ARID1A: variants seen among roughly 807,000 people sequenced by gnomAD.
ARID1A encodes AT-rich interaction domain 1A.
In ARID1A, 20 loss-of-function variants were observed where a neutral mutation model predicts 212.6. The observed-to-expected ratio is 0.09, with a 90% CI of 0.07 to 0.14. ARID1A has a LOEUF of 0.14. Ranked by LOEUF, ARID1A falls within the 10% of genes least tolerant of loss-of-function variation. ARID1A has a pLI of 1.00. For missense variants in ARID1A, 2,587 were observed against 3,059.0 expected (o/e 0.85, Z 3.64); for synonymous variants, 1,376 against 1,222.1 (o/e 1.13, Z -2.63).
rs759700307 is a variant in ARID1A at position 26,779,040 on chromosome 1, G to A, written c.5142G>A (p.Glu1714=). ...FNLSQLPGLL[E]LLVEYFRRCL... ...CTTTTTAGCTCCCAGGGTTGCTAGA[G>A]CTCCTTGTAGAATATTTCCGACGAT... Residue 1714 remains glutamate (E), a synonymous_variant, in exon 20 of 20, where the codon GAG becomes GAA. Transcript: ENST00000324856. 6 of 1,505,500 alleles carry A rather than the reference G, an allele frequency of 4.0e-6. No homozygotes were observed. In the East Asian group the frequency reaches 1.4e-4, roughly 34 times the overall value. The allele number at this position is 1,505,500 out of a possible 1,614,324, so 93.3% of individuals were successfully genotyped here. A position where few individuals can be genotyped will look rare whatever the true frequency, so the allele number is the denominator to read the frequency against.
At chr1:26,765,530 G>C (rs1425633530) in intron 8 of ARID1A, 1 of 151,278 alleles carries the variant, frequency 6.6e-6, no homozygotes, top group Admixed American at 6.6e-5. Flanking sequence ...TCTAGAGCTT[G>C]AACTCTCTTA....
intron 1 of ARID1A, among the ~76,000 whole-genome samples, chr1:26,706,004 C>T (rs1426974206): frequency 6.6e-6 from 1 of 152,114 alleles, no homozygotes; most frequent in African/African-American, 2.4e-5. Flanking sequence ...TTAGAAATCA[C>T]CCAGTAATCC....
chr1:26,725,861 T>A (rs2080611493), intron 1 of ARID1A, among the ~76,000 whole-genome samples: 1 of 150,568 alleles, frequency 6.6e-6, no homozygotes, highest in African/African-American at 2.4e-5. Flanking sequence ...CCTTTTTTTT[T>A]TTTTTTTTTT....
At chr1:26,727,613 G>A (rs538078355) in intron 1 of ARID1A, 1 of 152,332 alleles carries the variant, frequency 6.6e-6, no homozygotes, top group East Asian at 1.9e-4. Flanking sequence ...TCTCTAGGGA[G>A]AGGCCTAGCC....
chr1:26,709,481 A>G (rs1281785265), intron 1 of ARID1A, among the ~76,000 whole-genome samples: 1 of 152,140 alleles, frequency 6.6e-6, no homozygotes, highest in East Asian at 1.9e-4. Context: ...AGTTCTCAAC[A>G]GCACCCCCGA....
rs750872456 is a variant in ARID1A at position 26,761,080 on chromosome 1, G to C, written c.2145G>C (p.Ser715=). The change falls in exon 5 of 20, where the codon TCG becomes TCC. Residue 715 remains serine, a synonymous_variant. Coordinates refer to ENST00000324856, the MANE Select transcript of ARID1A (RefSeq NM_006015.6). ...CTCAGTCTCGCTCAGGACCACTCTC[G>C]CCTGCTGCAGTGCCAGGTACCCTCA... ...SVAQSRSGPL[S]PAAVPGNQMP... is the part of the protein sequence containing the mutation. 6.2e-7 allele frequency: 1 copy of C among 1,614,038 alleles called. No homozygotes were observed. The highest frequency in any genetic ancestry group is 8.5e-7 in the Non-Finnish European group (1 of 1,179,994).
At position 26,761,399 on chromosome 1, in the gene ARID1A, C is replaced by T. The variant is rs781279592; in HGVS notation, c.2177C>T (p.Pro726Leu). Reference sequence around the variant, plus strand: ...TCTGGAGCAGGCAACCAGATGCCACCTCGGCCACCCAGTGGCCAGTCGGAC... The same window carrying T: ...TCTGGAGCAGGCAACCAGATGCCACTTCGGCCACCCAGTGGCCAGTCGGAC... ...PAAVPGNQMP[P>L]RPPSGQSDSI... is the part of the protein sequence containing the mutation. The change falls in exon 6 of 20, where the codon CCT becomes CTT. Residue 726 changes from proline to leucine, a missense_variant. By Grantham distance (98) the Pro-to-Leu change is moderately conservative. Transcript: ENST00000324856. 1.2e-6 allele frequency: 2 copies of T among 1,614,082 alleles called. No homozygotes were observed. Among genetic ancestry groups the T allele is most frequent in the African/African-American group, 2.7e-5 (2 of 74,934 alleles).
intron 7 of ARID1A, 34 bp downstream of exon 7, chr1:26,762,353 G>A (rs2124065124): frequency 1.9e-6 from 3 of 1,594,632 alleles, no homozygotes; most frequent in Admixed American, 1.8e-5. Context: ...GTAGATACGG[G>A]TGAGAGGAGA....
rs2124790308 is a variant in ARID1A at position 26,731,561 on chromosome 1, C to G, written c.1760C>G (p.Ser587Cys). The change falls in exon 3 of 20, where the codon TCC (serine) becomes TGC (cysteine). Residue 587 changes from serine (S) to cysteine (C), a missense_variant. Around this residue, in one of 11 missense-constraint regions of ARID1A, gnomAD observed 674 missense variants for 813.4 expected, o/e 0.83. Coordinates refer to ENST00000324856, the MANE Select transcript of ARID1A (RefSeq NM_006015.6). ...AAYPQPQSQQ[S>C]QQTAYSQQRF... ...TATCCTCAGCCCCAGTCTCAGCAGT[C>G]CCAGCAAACTGCCTATTCCCAGCAG... is the stretch of plus-strand genomic sequence containing the variant. The G allele has an allele frequency of 6.2e-7, 1 of 1,614,174 alleles. No individual in the cohort carries two copies. Among genetic ancestry groups the G allele is most frequent in the East Asian group, 2.2e-5 (1 of 44,886 alleles).
chr1:26,770,276 G>C (rs2081072319), intron 11 of ARID1A: 2 of 152,136 alleles, frequency 1.3e-5, no homozygotes, highest in Admixed American at 6.5e-5. Context: ...AAAGGGACCT[G>C]TGGTTATTTG....
chr1:26,772,616 C>A lies in ARID1A; in HGVS notation c.3523C>A (p.Pro1175Thr). The change falls in exon 13 of 20, where the codon CCA (proline) becomes ACA (threonine). Residue 1175 changes from proline (P) to threonine (T), a missense_variant. Pro to Thr is a conservative substitution (Grantham distance 38). Coordinates refer to ENST00000324856, the MANE Select transcript of ARID1A (RefSeq NM_006015.6). ...PASTPHSQIP[P>T]LPGMSRSNSV... ...ATCCACACCACACAGTCAGATCCCC[C>A]CATTGCCAGGCATGAGGTAAGGCCA... 1 of 1,614,208 alleles carries A rather than the reference C, an allele frequency of 6.2e-7. No homozygotes were observed. The highest frequency in any genetic ancestry group is 8.5e-7 in the Non-Finnish European group (1 of 1,180,042).
chr1:26,727,315 G>A (rs995412553), intron 1 of ARID1A, among the ~76,000 whole-genome samples: 3 of 152,226 alleles, frequency 2.0e-5, no homozygotes, highest in Non-Finnish European at 4.4e-5. Context: ...TGACCAGGGA[G>A]TGGTGGAAGT....
chr1:26,773,772 C>T (rs565180006), intron 16 of ARID1A, 30 bp from the exon 17 acceptor site: 1 of 1,614,178 alleles, frequency 6.2e-7, no homozygotes, highest in African/African-American at 1.3e-5. Context: ...CACTGCCCAC[C>T]CTAATCCTGT....
intron 1 of ARID1A, among the ~76,000 whole-genome samples, chr1:26,720,216 C>T (rs1357439920): frequency 6.6e-6 from 1 of 151,088 alleles, no homozygotes; most frequent in Non-Finnish European, 1.5e-5. Context: ...ACGCACTGCA[C>T]TCCAGCCTGG....
rs761975620 is a variant in ARID1A at position 26,731,450 on chromosome 1, C to T, written c.1649C>T (p.Pro550Leu). 3 of 1,614,010 alleles carry T rather than the reference C, an allele frequency of 1.9e-6. No homozygotes were observed. The highest frequency in any genetic ancestry group is 1.7e-6 in the Non-Finnish European group (2 of 1,179,994). ...TTQQHPQSQP[P>L]YSQPQAQSPY... ...CAGCAGCACCCCCAGAGCCAGCCCC[C>T]CTACTCACAGCCACAGGCTCAGTCT... Residue 550 changes from proline to leucine, a missense_variant, in exon 3 of 20, where the codon CCC becomes CTC. Pro to Leu is a moderately conservative substitution (Grantham distance 98, BLOSUM62 -3). Transcript: ENST00000324856.
intron 1 of ARID1A, among the ~76,000 whole-genome samples, 173 bp downstream of exon 1, chr1:26,697,713 C>G (rs968933329): frequency 6.6e-6 from 1 of 152,056 alleles, no homozygotes; most frequent in Admixed American, 6.5e-5. Context: ...GCCTTCCTCT[C>G]CTTCCCTCCT....
rs758044018 is a variant in ARID1A, at chr1:26,779,531, C to G, written c.5633C>G (p.Pro1878Arg). The change falls in exon 20 of 20, where the codon CCT becomes CGT. Residue 1878 changes from proline to arginine, a missense_variant. This residue lies in a region of ARID1A where 890 missense variants were observed against 1,098.2 expected (regional missense o/e 0.81). Transcript: ENST00000324856. ...CCTCACGCACCCTGCCCACCAGCCC[C>G]TCGGAAGCATGTGACAACAGCAGAG... ...SRPHAPCPPAPRKHVTTAEGT... is the reference protein window; with the variant it reads ...SRPHAPCPPARRKHVTTAEGT... The G allele has an allele frequency of 6.2e-7, 1 of 1,614,132 alleles. No individual in the cohort carries two copies. The highest frequency in any genetic ancestry group is 8.5e-7 in the Non-Finnish European group (1 of 1,180,022).
At chr1:26,759,179 G>A (rs2080968305) in intron 4 of ARID1A, among the ~76,000 whole-genome samples, 1 of 152,092 alleles carries the variant, frequency 6.6e-6, no homozygotes, top group African/African-American at 2.4e-5. Context: ...GAGATGTGTG[G>A]TGTTTTCGGT....
rs1557615854 is a variant in ARID1A, at chr1:26,774,155, A to G, written c.4102-174A>G. ...TCTACTTAAGCAAGGGAAGGGAAGA[A>G]AGAGTGGTGGTTGCTTTTGGAAACA... On this transcript the variant is annotated intron_variant, in intron 17 of 19. Transcript: ENST00000324856. This position sits in a 1 kb window ranked among gnomAD's most constrained non-coding sequence, Gnocchi z 5.6. 7.7e-7 allele frequency: 1 copy of G among 1,293,148 alleles called. No individual in the cohort carries two copies. Among genetic ancestry groups the G allele is most frequent in the African/African-American group, 1.5e-5 (1 of 66,558 alleles). The allele number at this position is 1,293,148 out of a possible 1,614,324, so 80.1% of individuals were successfully genotyped here. A position where few individuals can be genotyped will look rare whatever the true frequency, so the allele number is the denominator to read the frequency against.
Sources: allele counts gnomAD v4.1 joint callset (sites outside exome capture counted in the v4.1 genomes callset), GRCh38; gene constraint gnomAD v4.1.1; regional missense constraint gnomAD v4.1.1; non-coding constraint Gnocchi (gnomAD v3.1); transcripts MANE v1.5; gene names NCBI Gene and HGNC (gene_info 2026-07-23, HGNC 2026-07-21).